Variants in GPR89B observed in about 807,000 individuals in gnomAD.
The protein encoded by GPR89B is golgi pH regulator B.
A neutral mutation model predicts 52.4 loss-of-function variants in GPR89B; 25 were observed. The ratio of observed to expected loss-of-function variants is 0.48; its 90% confidence interval spans 0.35 to 0.67. The LOEUF is 0.67. Ranked by LOEUF, GPR89B falls within the 30% of genes least tolerant of loss-of-function variation. GPR89B has a pLI of 0.01. For missense variants in GPR89B, 146 were observed against 450.2 expected, an observed-to-expected ratio of 0.32 and a Z score of 6.11; for synonymous variants, 52 against 151.2, an observed-to-expected ratio of 0.34 and a Z score of 4.81.
chr1:147,931,279 C>T (rs1199725358), intron 1 of GPR89B, among the ~76,000 whole-genome samples: 1 of 151,790 alleles, frequency 6.6e-6, no homozygotes, highest in African/African-American at 2.4e-5. Flanking sequence ...ATTTTCAACC[C>T]AGAAGTCACT....
chr1:147,982,181 T>G (rs1164512922), intron 10 of GPR89B, among the ~76,000 whole-genome samples: 2 of 151,800 alleles, frequency 1.3e-5, no homozygotes, highest in Non-Finnish European at 2.9e-5. Flanking sequence ...TGCCTCAGTG[T>G]CCCAAGTAGC....
At chr1:147,980,818 CAAAAAAAAA>C (rs1176400328) in intron 10 of GPR89B, among the ~76,000 whole-genome samples, 2 of 22,570 alleles carry the variant, frequency 8.9e-5, no homozygotes, top group African/African-American at 3.4e-4. Context: ...GACTCCGTCT[CAAAAAAAAA>C]AAAAAAAAAA....
intron 10 of GPR89B, among the ~76,000 whole-genome samples, chr1:147,977,516 A>G (rs1244148855): frequency 6.6e-6 from 1 of 151,968 alleles, no homozygotes; most frequent in African/African-American, 2.4e-5. Flanking sequence ...AGCTTGAAGA[A>G]GTTCTGGCCT....
At chr1:147,995,480 G>T (rs2796961), downstream of GPR89B, 4 of 1,188,750 alleles carry the variant, frequency 3.4e-6, no homozygotes, top group Admixed American at 2.3e-5. Flanking sequence ...TCTTTACATT[G>T]TCATTTTCTA....
At chr1:147,948,039 G>A (rs189969040) in intron 5 of GPR89B, among the ~76,000 whole-genome samples, 1 of 152,280 alleles carries the variant, frequency 6.6e-6, no homozygotes, top group Non-Finnish European at 1.5e-5. Context: ...TTATAGTCTT[G>A]TGGGTGGAAC....
the GPR89B span, chr1:148,022,084 C>T: frequency 6.6e-6 from 1 of 151,170 alleles, no homozygotes; most frequent in African/African-American, 2.5e-5. Flanking sequence ...TTTCTCTCTG[C>T]TGTCGGTGAA....
chr1:148,000,245 A>G, the GPR89B span, among the ~76,000 whole-genome samples: 3 of 151,340 alleles, frequency 2.0e-5, no homozygotes, highest in Admixed American at 6.6e-5. Flanking sequence ...CACTTTAAGT[A>G]TGTTAATATA....
the GPR89B span, among the ~76,000 whole-genome samples, chr1:148,023,315 A>G: frequency 5.5e-5 from 8 of 146,064 alleles, no homozygotes; most frequent in African/African-American, 1.9e-4. Context: ...TTGTGTATGT[A>G]CCACATTTTC....
intron 10 of GPR89B, among the ~76,000 whole-genome samples, chr1:147,977,562 T>C (rs1161937883): frequency 7.2e-4 from 109 of 151,954 alleles, no homozygotes; most frequent in Non-Finnish European, 1.2e-3. Context: ...CTGGATGATA[T>C]CCTGAAGTAT....
At chr1:147,968,623 G>A (rs1378142769) in intron 8 of GPR89B, 9 of 591,828 alleles carry the variant, frequency 1.5e-5, no homozygotes, top group African/African-American at 3.8e-5. Flanking sequence ...CTATCTGTTT[G>A]AGCTGCTTGA....
intron 5 of GPR89B, among the ~76,000 whole-genome samples, chr1:147,945,696 T>A (rs1250982907): frequency 2.0e-5 from 3 of 152,006 alleles, no homozygotes; most frequent in Non-Finnish European, 2.9e-5. Context: ...ACATGTTGCA[T>A]TCTCCAGTCC....
At chr1:147,938,312 GC>G (rs1227143239) in intron 2 of GPR89B, among the ~76,000 whole-genome samples, 2 of 151,592 alleles carry the variant, frequency 1.3e-5, no homozygotes, top group African/African-American at 2.4e-5. Context: ...ATTTTCTTCT[GC>G]CCAATACTTT....
At chr1:147,970,555 A>ATCTCTC (rs1200595357) in intron 10 of GPR89B, among the ~76,000 whole-genome samples, 2 of 76,674 alleles carry the variant, frequency 2.6e-5, no homozygotes, top group African/African-American at 9.3e-5. Flanking sequence ...CTCTCTCTCT[A>ATCTCTC]TCTCTCTCTC....
At chr1:147,943,815 A>T (rs1283574745) in intron 4 of GPR89B, among the ~76,000 whole-genome samples, 182 bp from the exon 5 acceptor site, 1 of 152,056 alleles carries the variant, frequency 6.6e-6, no homozygotes, top group Non-Finnish European at 1.5e-5. Flanking sequence ...CCACACCTTA[A>T]ATTCAGCTAA....
At chr1:148,014,941 G>A in the GPR89B span, 1 of 151,526 alleles carries the variant, frequency 6.6e-6, no homozygotes, top group African/African-American at 2.4e-5. Context: ...CCGGCAAGAT[G>A]CGCCTCTCCG....
intron 5 of GPR89B, among the ~76,000 whole-genome samples, chr1:147,947,410 T>G (rs146123910): frequency 0.044 from 6,559 of 149,660 alleles, 194 homozygotes; most frequent in African/African-American, 0.073. Context: ...CTTCTTGTGC[T>G]GTGTCTGAAC....
At chr1:148,000,733 GGTATCT>G in the GPR89B span, among the ~76,000 whole-genome samples, 1 of 147,166 alleles carries the variant, frequency 6.8e-6, no homozygotes, top group African/African-American at 2.5e-5. Context: ...AGGCCCCCCA[GGTATCT>G]GTTAAACTAG....
chr1:147,950,705 C>T (rs1271901604), intron 5 of GPR89B, among the ~76,000 whole-genome samples: 1 of 151,972 alleles, frequency 6.6e-6, no homozygotes, highest in Non-Finnish European at 1.5e-5. Context: ...CCGAGGCTGG[C>T]GGATCACTCG....
chr1:147,928,612 G>T, intron 1 of GPR89B, 34 bp downstream of exon 1: 1 of 1,613,340 alleles, frequency 6.2e-7, no homozygotes, highest in Non-Finnish European at 8.5e-7. Context: ...ACACCCGTCC[G>T]CCTCCCTTCA....
Sources: allele counts gnomAD v4.1 joint callset (sites outside exome capture counted in the v4.1 genomes callset), GRCh38; gene constraint gnomAD v4.1.1; transcripts MANE v1.5; gene names NCBI Gene and HGNC (gene_info 2026-07-23, HGNC 2026-07-21).